The following ATRNL1 variants were observed in gnomAD, a reference collection of about 807,000 sequenced individuals.
The protein encoded by ATRNL1 is attractin like 1.
ATRNL1 carries 95 observed loss-of-function variants against 182.7 expected under a neutral mutation model. That is an observed-to-expected ratio of 0.52 (90% CI 0.44 to 0.62). The LOEUF (loss-of-function observed/expected upper bound fraction) is 0.62, where lower values mean the gene tolerates loss of function less well. ATRNL1 is among the 20% of genes least tolerant of loss of function. The pLI is 0.00. For missense variants in ATRNL1, 1,471 were observed against 1,679.5 expected (o/e 0.88, Z 2.17); for synonymous variants, 576 against 568.3 (o/e 1.01, Z -0.19).
At chr10:115,892,658 C>G (rs1952108149) in intron 28 of ATRNL1, among the ~76,000 whole-genome samples, 1 of 152,122 alleles carries the variant, frequency 6.6e-6, no homozygotes, top group South Asian at 2.1e-4. Flanking sequence ...AGCCACCCAT[C>G]TTATTAAGTC....
chr10:115,272,660 A>G (rs1329918443), intron 13 of ATRNL1, among the ~76,000 whole-genome samples: 2 of 152,126 alleles, frequency 1.3e-5, no homozygotes, highest in East Asian at 1.9e-4. Context: ...GAGAAAAAGC[A>G]CCATATATTG....
chr10:115,482,561 T>A (rs1209549784), intron 24 of ATRNL1, among the ~76,000 whole-genome samples: 1 of 151,042 alleles, frequency 6.6e-6, no homozygotes, highest in African/African-American at 2.4e-5. Context: ...TAATAATTTT[T>A]AATTAATTAT....
intron 19 of ATRNL1, among the ~76,000 whole-genome samples, chr10:115,384,673 T>G (rs1036999250): frequency 6.6e-6 from 1 of 151,996 alleles, no homozygotes; most frequent in African/African-American, 2.4e-5. Context: ...TTAAACATTT[T>G]AAAAATCTAC....
At chr10:115,360,279 A>C (rs1249858555) in intron 19 of ATRNL1, among the ~76,000 whole-genome samples, 1 of 151,734 alleles carries the variant, frequency 6.6e-6, no homozygotes, top group Non-Finnish European at 1.5e-5. Context: ...TCTATTTCTA[A>C]GTGTAGAAAT....
At chr10:115,567,990 A>G (rs1854166547) in intron 26 of ATRNL1, among the ~76,000 whole-genome samples, 1 of 152,094 alleles carries the variant, frequency 6.6e-6, no homozygotes, top group African/African-American at 2.4e-5. Flanking sequence ...ATTCTACTTA[A>G]TACGTCTAAT....
At chr10:115,464,822 T>G (rs1394161805) in intron 22 of ATRNL1, among the ~76,000 whole-genome samples, 3 of 147,044 alleles carry the variant, frequency 2.0e-5, no homozygotes, top group Middle Eastern at 6.9e-3. Context: ...AGTGACTTTT[T>G]GGATCCGTTT....
intron 18 of ATRNL1, among the ~76,000 whole-genome samples, chr10:115,332,039 A>G (rs1297775063): frequency 6.6e-6 from 1 of 152,018 alleles, no homozygotes; most frequent in Non-Finnish European, 1.5e-5. Context: ...TCTTTTTTCC[A>G]TAGGTGGCCT....
intron 26 of ATRNL1, among the ~76,000 whole-genome samples, chr10:115,705,998 G>A (rs554163739): frequency 7.2e-5 from 11 of 151,918 alleles, no homozygotes; most frequent in African/African-American, 2.2e-4. Flanking sequence ...GCCTCAGGCC[G>A]TCTTCCACTT....
chr10:115,903,830 G>C (rs1472875639), intron 28 of ATRNL1, among the ~76,000 whole-genome samples: 1 of 152,112 alleles, frequency 6.6e-6, no homozygotes, highest in Non-Finnish European at 1.5e-5. Context: ...AGAAGGCAGT[G>C]GCAAGGAGAT....
In ATRNL1 at chr10:115,266,993, C is replaced by T; in HGVS notation, c.1969C>T (p.Pro657Ser). 6.3e-7 allele frequency: 1 copy of T among 1,598,272 alleles called. No individual in the cohort carries two copies. The highest frequency in any genetic ancestry group is 8.5e-7 in the Non-Finnish European group (1 of 1,170,488). ...TAATAATATTCTTAGAGCAAAGTGCCCTCCTAAAACAGGTAAATTTCTTTT... is the reference window on the plus strand; with the variant it reads ...TAATAATATTCTTAGAGCAAAGTGCTCTCCTAAAACAGGTAAATTTCTTTT... Reference protein sequence around the residue: ...NTNNILRAKCPPKTAASDDRC... With the variant: ...NTNNILRAKCSPKTAASDDRC... The change falls in exon 12 of 29, where the codon CCT becomes TCT. Residue 657 changes from proline (P) to serine (S), a missense_variant. By Grantham distance (74) the Pro-to-Ser change is moderately conservative. Around this residue, in one of 3 missense-constraint regions of ATRNL1, gnomAD observed 1,031 missense variants for 1,156.0 expected, o/e 0.89. Coordinates refer to ENST00000355044, the MANE Select transcript of ATRNL1 (RefSeq NM_207303.4).
At chr10:115,476,970 A>C (rs115788450) in intron 24 of ATRNL1, among the ~76,000 whole-genome samples, 209 of 151,614 alleles carry the variant, frequency 1.4e-3, no homozygotes, top group African/African-American at 4.6e-3. Context: ...TATTTTTAGT[A>C]CTTAGCTGAG....
chr10:115,466,247 T>G (rs1171420532), intron 22 of ATRNL1, among the ~76,000 whole-genome samples: 1 of 151,440 alleles, frequency 6.6e-6, no homozygotes, highest in East Asian at 1.9e-4. Context: ...CTTTATCATA[T>G]TTAGAAAAAT....
chr10:115,587,948 G>GA (rs1332834530), intron 26 of ATRNL1, among the ~76,000 whole-genome samples: 1 of 151,750 alleles, frequency 6.6e-6, no homozygotes, highest in Non-Finnish European at 1.5e-5. Context: ...CAAATTAAAT[G>GA]AAAAAAAGGA....
chr10:115,360,937 T>C (rs993495201), intron 19 of ATRNL1, among the ~76,000 whole-genome samples: 14 of 151,964 alleles, frequency 9.2e-5, no homozygotes, highest in African/African-American at 3.4e-4. Flanking sequence ...GGAATACCTC[T>C]GAAGTTATGT....
At chr10:115,132,454 G>A (rs11197075) in intron 5 of ATRNL1, among the ~76,000 whole-genome samples, 31,813 of 152,026 alleles carry the variant, frequency 0.21, 4,258 homozygotes, top group Non-Finnish European at 0.3. Context: ...CCAGTAATGG[G>A]ATGGCTGGGT....
At chr10:115,243,848 A>G (rs887358387) in intron 10 of ATRNL1, among the ~76,000 whole-genome samples, 5 of 152,252 alleles carry the variant, frequency 3.3e-5, no homozygotes, top group African/African-American at 7.2e-5. Flanking sequence ...CAGTTCCACA[A>G]TTCAACATAG....
At chr10:115,242,282 C>T (rs1183478992) in intron 10 of ATRNL1, among the ~76,000 whole-genome samples, 1 of 151,854 alleles carries the variant, frequency 6.6e-6, no homozygotes, top group Non-Finnish European at 1.5e-5. Flanking sequence ...AGCATGTTTT[C>T]CCAAAGAACT....
At chr10:115,488,882 A>G (rs1554975773) in intron 24 of ATRNL1, among the ~76,000 whole-genome samples, 1 of 152,136 alleles carries the variant, frequency 6.6e-6, no homozygotes, top group Non-Finnish European at 1.5e-5. Flanking sequence ...ATATCCCTCT[A>G]CACACTGCTT....
chr10:115,925,574 G>A (rs1953203452), intron 28 of ATRNL1, among the ~76,000 whole-genome samples: 1 of 151,346 alleles, frequency 6.6e-6, no homozygotes, highest in African/African-American at 2.4e-5. Flanking sequence ...AATTTACCAA[G>A]CACATGGAAA....
Sources: allele counts gnomAD v4.1 joint callset (sites outside exome capture counted in the v4.1 genomes callset), GRCh38; gene constraint gnomAD v4.1.1; regional missense constraint gnomAD v4.1.1; transcripts MANE v1.5; gene names NCBI Gene and HGNC (gene_info 2026-07-23, HGNC 2026-07-21).